Variants in DNAH14 observed in about 807,000 individuals in gnomAD.
DNAH14 encodes the protein axonemal beta dynein heavy chain 14.
DNAH14 carries 478 observed loss-of-function variants against 520.9 expected under a neutral mutation model. The ratio of observed to expected loss-of-function variants is 0.92; its 90% confidence interval spans 0.85 to 0.99. The LOEUF is 0.99. DNAH14 is among the 50% of genes least tolerant of loss of function. DNAH14 has a pLI of 0.00. For synonymous variants in DNAH14, 1,581 were observed against 1,757.2 expected (o/e 0.90, Z 2.51); for missense variants, 4,831 against 5,234.5 (o/e 0.92, Z 2.38).
intron 21 of DNAH14, among the ~76,000 whole-genome samples, chr1:225,086,990 C>CCACACACACACA (rs57900981): frequency 6.8e-6 from 1 of 146,874 alleles, no homozygotes; most frequent in African/African-American, 2.6e-5. Context: ...GAAAAGAACA[C>CCACACACACACA]CACACACACA....
At chr1:225,006,008 C>T (rs193251111) in intron 9 of DNAH14, among the ~76,000 whole-genome samples, 7 of 152,182 alleles carry the variant, frequency 4.6e-5, no homozygotes, top group East Asian at 1.9e-4. Context: ...GCTGAAGCCA[C>T]GGCAGAATAA....
chr1:225,211,958 C>T (rs1308583456), intron 41 of DNAH14, among the ~76,000 whole-genome samples: 4 of 151,324 alleles, frequency 2.6e-5, no homozygotes, highest in East Asian at 1.9e-4. Context: ...GCACAACGTG[C>T]AGGTTTGTTA....
intron 1 of DNAH14, among the ~76,000 whole-genome samples, chr1:224,935,291 AT>A (rs1159055144): frequency 6.6e-6 from 1 of 151,956 alleles, no homozygotes; most frequent in Non-Finnish European, 1.5e-5. Flanking sequence ...AAGATATAGA[AT>A]AGCTGAATGG....
chr1:225,304,962 G>A lies in DNAH14; in HGVS notation c.8878G>A (p.Asp2960Asn), dbSNP rs1207588087. 3 of 1,542,674 alleles carry A rather than the reference G, an allele frequency of 1.9e-6. No individual in the cohort carries two copies. The highest frequency in any genetic ancestry group is 2.5e-5 in the South Asian group (2 of 80,892). ...TCVQIHKSMKDLNRKYFEETG... is the reference protein window; with the variant it reads ...TCVQIHKSMKNLNRKYFEETG... ...TGTCCAAATCCACAAAAGCATGAAA[G>A]ACTTGAACAGAAAATACTTTGAAGA... Residue 2960 changes from aspartate (D) to asparagine (N), a missense_variant, in exon 58 of 86, where the codon GAC (aspartate) becomes AAC (asparagine). By Grantham distance (23) the Asp-to-Asn change is conservative (BLOSUM62 1). Coordinates refer to ENST00000682510, the MANE Select transcript of DNAH14 (RefSeq NM_001367479.1).
rs573900321 is a variant in DNAH14, at chr1:225,065,592, T to C, written c.2425-13615T>C. 4.1e-4 allele frequency among the ~76,000 whole-genome samples: 62 copies of C among 152,176 alleles called. No homozygotes were observed. In the South Asian group the frequency reaches 0.01, roughly 25 times the overall value. On this transcript the variant is annotated intron_variant, in intron 17 of 85. Transcript: ENST00000682510. The stretch of plus-strand genomic sequence containing the variant: ...GAATTCCACTGTTTGAGATACTACA[T>C]GTAATTGAGAACATGTGATATTTGT...
chr1:225,160,163 A>G (rs1202352548), intron 35 of DNAH14, among the ~76,000 whole-genome samples: 3 of 152,116 alleles, frequency 2.0e-5, no homozygotes, highest in East Asian at 1.9e-4. Context: ...TGTCTTTTCA[A>G]TATATCCTGT....
intron 1 of DNAH14, among the ~76,000 whole-genome samples, chr1:224,945,535 A>C (rs1286796905): frequency 6.6e-6 from 1 of 152,102 alleles, no homozygotes; most frequent in Non-Finnish European, 1.5e-5. Context: ...GTTGGTGAGG[A>C]GCTGTGTTCC....
chr1:225,122,583 CAAAA>C (rs1184205692), intron 26 of DNAH14, among the ~76,000 whole-genome samples: 1 of 151,878 alleles, frequency 6.6e-6, no homozygotes, highest in Non-Finnish European at 1.5e-5. Flanking sequence ...AGCAATGTGA[CAAAA>C]AAGTTATGAA....
chr1:225,344,691 TTTTATTTATTTATTTATTTA>T lies in DNAH14; in HGVS notation c.10679-1248_10679-1229del, dbSNP rs10605144. Among the ~76,000 whole-genome samples, 5 of 143,146 alleles carry T rather than the reference TTTTATTTATTTATTTATTTA, an allele frequency of 3.5e-5. No individual in the cohort carries two copies. The East Asian group carries it at 6.6e-4, about 19-fold the overall frequency. The allele number at this position is 143,146 out of a possible 152,430, so 93.9% of individuals were successfully genotyped here. A position where few individuals can be genotyped will look rare whatever the true frequency, so the allele number is the denominator to read the frequency against. On this transcript the variant is annotated intron_variant, in intron 69 of 85. Coordinates refer to ENST00000682510, the MANE Select transcript of DNAH14 (RefSeq NM_001367479.1). The stretch of plus-strand genomic sequence containing the variant: ...TGTGAATAGTGAAAACTAGCCATTC[TTTTATTTATTTATTTATTTA>T]TTTATTTATTTATTTATTTATTGAG...
At chr1:225,270,067 C>T (rs950424437) in intron 49 of DNAH14, among the ~76,000 whole-genome samples, 49 of 152,194 alleles carry the variant, frequency 3.2e-4, no homozygotes, top group African/African-American at 1.2e-3. Context: ...GACTTGGAAC[C>T]AACCCAAATG....
Position 225,060,117 on chromosome 1 carries a change from G to A in DNAH14, c.2424+8322G>A, listed in dbSNP as rs887887540. Reference sequence around the variant, plus strand: ...GTTCTCCTGGATAATATCCTGCAGAGTGTTTTCCGACTTGGTTCCATTCTC... The same window carrying A: ...GTTCTCCTGGATAATATCCTGCAGAATGTTTTCCGACTTGGTTCCATTCTC... On this transcript the variant is annotated intron_variant, in intron 17 of 85. Coordinates refer to ENST00000682510, the MANE Select transcript of DNAH14 (RefSeq NM_001367479.1). Among the ~76,000 whole-genome samples, 4 of 152,204 alleles carry A rather than the reference G, an allele frequency of 2.6e-5. No homozygotes were observed. In the East Asian group the frequency reaches 7.7e-4, roughly 29 times the overall value.
chr1:225,212,129 C>T (rs183582761), intron 41 of DNAH14, among the ~76,000 whole-genome samples: 4 of 138,500 alleles, frequency 2.9e-5, no homozygotes, highest in African/African-American at 1.1e-4. Flanking sequence ...TTGTTCAATT[C>T]CCACCTATGA....
chr1:225,360,988 C>A, intron 75 of DNAH14, 97 bp downstream of exon 75: 1 of 1,122,260 alleles, frequency 8.9e-7, no homozygotes, highest in Non-Finnish European at 1.3e-6. Context: ...TAAACAATAG[C>A]AAAATAATGT....
In DNAH14 at chr1:225,304,970, C is replaced by T. The variant is rs1201527419; in HGVS notation, c.8886C>T (p.Asn2962=). The change falls in exon 58 of 86, where the codon AAC becomes AAT. Residue 2962 remains asparagine (N), a synonymous_variant. Transcript: ENST00000682510. Reference sequence around the variant, plus strand: ...TCCACAAAAGCATGAAAGACTTGAACAGAAAATACTTTGAAGAAACTGGAA... The same window carrying T: ...TCCACAAAAGCATGAAAGACTTGAATAGAAAATACTTTGAAGAAACTGGAA... ...VQIHKSMKDL[N]RKYFEETGRF... The T allele has an allele frequency of 3.2e-6, 5 of 1,543,582 alleles. No homozygotes were observed. In the African/African-American group the frequency reaches 4.1e-5, roughly 13 times the overall value.
chr1:225,066,186 ATTGT>A (rs925254668), intron 17 of DNAH14, among the ~76,000 whole-genome samples: 10 of 151,264 alleles, frequency 6.6e-5, no homozygotes, highest in African/African-American at 2.4e-4. Flanking sequence ...TTTTTATTGG[ATTGT>A]TTGTTTTCTT....
chr1:225,111,121 C>A, intron 23 of DNAH14, among the ~76,000 whole-genome samples: 1 of 152,068 alleles, frequency 6.6e-6, no homozygotes, highest in Non-Finnish European at 1.5e-5. Context: ...CTGTAAATAT[C>A]TATTAGGTCC....
At chr1:225,358,283 G>A (rs1001337340) in intron 73 of DNAH14, among the ~76,000 whole-genome samples, 1 of 152,170 alleles carries the variant, frequency 6.6e-6, no homozygotes, top group Non-Finnish European at 1.5e-5. Flanking sequence ...CACAGGTAGC[G>A]CTGGTATCTA....
At chr1:225,129,572 A>T (rs191929756) in intron 27 of DNAH14, among the ~76,000 whole-genome samples, 5 of 152,234 alleles carry the variant, frequency 3.3e-5, no homozygotes, top group Admixed American at 6.5e-5. Context: ...TGTGGAAAGG[A>T]TTCCCTATTT....
At chr1:224,978,130 C>T (rs1227524896) in intron 8 of DNAH14, among the ~76,000 whole-genome samples, 2 of 152,114 alleles carry the variant, frequency 1.3e-5, no homozygotes, top group Non-Finnish European at 2.9e-5. Context: ...AAAAATAGAG[C>T]TACCATACAA....
Sources: allele counts gnomAD v4.1 joint callset (sites outside exome capture counted in the v4.1 genomes callset), GRCh38; gene constraint gnomAD v4.1.1; transcripts MANE v1.5; gene names NCBI Gene and HGNC (gene_info 2026-07-23, HGNC 2026-07-21).